CABYR: variants seen among roughly 807,000 people sequenced by gnomAD.
The protein encoded by CABYR is calcium-binding tyrosine phosphorylation-regulated protein.
A neutral mutation model predicts 36.1 loss-of-function variants in CABYR; 31 were observed. The observed-to-expected ratio is 0.86, with a 90% CI of 0.64 to 1.16. The LOEUF is 1.16. CABYR is among the 50% of genes most tolerant of loss of function. The pLI is 0.00. For synonymous variants in CABYR, 146 were observed against 160.7 expected (o/e 0.91, Z 0.69); for missense variants, 429 against 455.8 (o/e 0.94, Z 0.53).
At chr18:24,157,211 C>G (rs547505694) in intron 4 of CABYR, among the ~76,000 whole-genome samples, 1 of 152,280 alleles carries the variant, frequency 6.6e-6, no homozygotes, top group South Asian at 2.1e-4. Context: ...AGCCTGGCCT[C>G]AGAGTTTGGT....
At chr18:24,148,988 C>T (rs1450302551) in intron 3 of CABYR, among the ~76,000 whole-genome samples, 1 of 152,194 alleles carries the variant, frequency 6.6e-6, no homozygotes, top group South Asian at 2.1e-4. Flanking sequence ...TATCTGGCCC[C>T]ACCCACATCC....
chr18:24,143,507 A>C, intron 3 of CABYR, 94 bp downstream of exon 3: 1 of 542,322 alleles, frequency 1.8e-6, no homozygotes. Context: ...TGGTGCCCAC[A>C]AATTATTTTA....
chr18:24,156,659 GCTCT>G, intron 4 of CABYR: 1 of 1,614,182 alleles, frequency 6.2e-7, no homozygotes. Flanking sequence ...CAACAGCTCT[GCTCT>G]CTGACACATC....
rs1194912610 is a variant in CABYR at position 24,159,539 on chromosome 18, T to A, written c.609T>A (p.Thr203=). The A allele has an allele frequency of 6.2e-7, 1 of 1,614,146 alleles. No individual in the cohort carries two copies. Among genetic ancestry groups the A allele is most frequent in the Admixed American group, 1.7e-5 (1 of 60,020 alleles). ...ACATGTGGACCCTTTATTGTCTAAC[T>A]GATAAGAATCAACAAGGTCACCCAT... is the stretch of plus-strand genomic sequence containing the variant. ...CSNMWTLYCL[T]DKNQQGHPSP... is the part of the protein sequence containing the mutation. The change falls in exon 5 of 6, where the codon ACT becomes ACA. Residue 203 remains threonine (T), a synonymous_variant. Coordinates refer to ENST00000399496, the MANE Select transcript of CABYR (RefSeq NM_153769.3).
intron 4 of CABYR, among the ~76,000 whole-genome samples, chr18:24,158,618 C>T (rs757754621): frequency 6.6e-6 from 1 of 152,014 alleles, no homozygotes; most frequent in Non-Finnish European, 1.5e-5. Context: ...GCGCCCGGCC[C>T]GTAGTGTTAT....
At position 24,153,712 on chromosome 18, in the gene CABYR, A is replaced by T. The variant is rs566993876; in HGVS notation, c.200-1989A>T. 5.9e-5 allele frequency among the ~76,000 whole-genome samples: 9 copies of T among 152,206 alleles called. No individual in the cohort carries two copies. In the East Asian group the frequency reaches 1.7e-3, roughly 29 times the overall value. ...AAGAAAAGTTATGTTTTTGTGGCTTATCTATCTGGCTTTTTCCTGTTGTTA... is the reference window on the plus strand; with the variant it reads ...AAGAAAAGTTATGTTTTTGTGGCTTTTCTATCTGGCTTTTTCCTGTTGTTA... On this transcript the variant is annotated intron_variant, in intron 3 of 5. Coordinates refer to ENST00000399496, the MANE Select transcript of CABYR (RefSeq NM_153769.3).
At position 24,155,839 on chromosome 18, in the gene CABYR, C is replaced by G. The variant is rs762617638; in HGVS notation, c.338C>G (p.Thr113Arg). ...TDTDEDNVTRTEYSDKTTQFP... is the reference protein window; with the variant it reads ...TDTDEDNVTRREYSDKTTQFP... The stretch of plus-strand genomic sequence containing the variant: ...ACAGACGAGGACAATGTAACCAGAA[C>G]AGAATATAGTGACAAAACCACCCAG... The change falls in exon 4 of 6, where the codon ACA becomes AGA. Residue 113 changes from threonine to arginine, a missense_variant. By Grantham distance (71) the Thr-to-Arg change is moderately conservative. Transcript: ENST00000399496. The G allele has an allele frequency of 3.0e-5, 49 of 1,614,050 alleles. No homozygotes were observed. The highest frequency in any genetic ancestry group is 3.3e-4 in the Middle Eastern group (2 of 6,084).
intron 3 of CABYR, among the ~76,000 whole-genome samples, chr18:24,147,279 A>C (rs995209402): frequency 2.7e-5 from 4 of 146,942 alleles, no homozygotes; most frequent in African/African-American, 1.0e-4. Flanking sequence ...AAAAGCCTAT[A>C]GGCAAGTGAG....
At position 24,143,211 on chromosome 18, in the gene CABYR, A is replaced by T. The variant is rs750213238; in HGVS notation, c.97A>T (p.Ile33Phe). Residue 33 changes from isoleucine (I) to phenylalanine (F), a missense_variant, in exon 2 of 6, where the codon ATC becomes TTC. Transcript: ENST00000399496. The part of the protein sequence containing the change: ...RAVLKTNPSN[I>F]NQFAAAYFQE... ...TGTTCTCAAAACCAACCCATCAAAC[A>T]TCAACCAGTTTGCAGCAGCTTATTT... The T allele has an allele frequency of 2.5e-6, 4 of 1,614,004 alleles. No homozygotes were observed. Among genetic ancestry groups the T allele is most frequent in the Non-Finnish European group, 3.4e-6 (4 of 1,179,968 alleles).
intron 3 of CABYR, among the ~76,000 whole-genome samples, chr18:24,144,817 AT>A (rs1338085010): frequency 1.3e-5 from 2 of 152,256 alleles, no homozygotes; most frequent in Non-Finnish European, 2.9e-5. Flanking sequence ...GAAGGGACAG[AT>A]TTTTAAACCA....
intron 5 of CABYR, 76 bp downstream of exon 5, chr18:24,160,145 A>G: frequency 9.9e-7 from 1 of 1,010,312 alleles, no homozygotes. Context: ...CTTGACCTGG[A>G]GATTTAGATA....
chr18:24,152,475 A>C (rs764562371), intron 3 of CABYR, among the ~76,000 whole-genome samples: 38 of 152,222 alleles, frequency 2.5e-4, no homozygotes, highest in South Asian at 2.1e-4. Flanking sequence ...GCAGGGAAGA[A>C]AACAATATCA....
At chr18:24,151,149 T>G (rs1033262879) in intron 3 of CABYR, among the ~76,000 whole-genome samples, 5 of 982 alleles carry the variant, frequency 5.1e-3, no homozygotes, top group Non-Finnish European at 0.015. Context: ...TTCAGTACCC[T>G]GAATCTCCAT....
At chr18:24,149,812 T>C (rs893009871) in intron 3 of CABYR, among the ~76,000 whole-genome samples, 12 of 152,232 alleles carry the variant, frequency 7.9e-5, no homozygotes, top group Non-Finnish European at 1.2e-4. Flanking sequence ...AAGCCCCTCA[T>C]TGCCCGGGGC....
chr18:24,156,123 G>A lies in CABYR; in HGVS notation c.541+81G>A. The A allele has an allele frequency of 6.2e-7, 1 of 1,614,186 alleles. No individual in the cohort carries two copies. Among genetic ancestry groups the A allele is most frequent in the Admixed American group, 1.7e-5 (1 of 60,018 alleles). ...AACCAGTATGCCTGTTGTTATCAAGGAGGTGCCAAGCTCAGAGGCTGCTGA... is the reference window on the plus strand; with the variant it reads ...AACCAGTATGCCTGTTGTTATCAAGAAGGTGCCAAGCTCAGAGGCTGCTGA... On this transcript the variant is annotated intron_variant, in intron 4 of 5. Coordinates refer to ENST00000399496, the MANE Select transcript of CABYR (RefSeq NM_153769.3).
At chr18:24,157,046 T>A (rs930095147) in intron 4 of CABYR, 14 of 1,442,242 alleles carry the variant, frequency 9.7e-6, no homozygotes, top group East Asian at 2.3e-5. Flanking sequence ...TCAGGTGACA[T>A]CTGTATTTCA....
At chr18:24,151,979 C>A (rs1046702568) in intron 3 of CABYR, among the ~76,000 whole-genome samples, 1 of 152,112 alleles carries the variant, frequency 6.6e-6, no homozygotes, top group African/African-American at 2.4e-5. Context: ...CATGAGCCAT[C>A]GTGCCTGACC....
At chr18:24,147,339 T>G (rs2085485679) in intron 3 of CABYR, among the ~76,000 whole-genome samples, 1 of 149,204 alleles carries the variant, frequency 6.7e-6, no homozygotes, top group Admixed American at 6.7e-5. Flanking sequence ...ACACAAAAAC[T>G]TACAGATGAT....
chr18:24,159,919 TTTTCC>T lies in CABYR; in HGVS notation c.994_998del (p.Leu332CysfsTer10). Reference sequence around the variant, plus strand: ...GATGTCCCCAGGCCAAAAAGCCCTGTTTTCCTTTCTGTTGCTTTCCCAGTAGAAGA... The same window carrying T: ...GATGTCCCCAGGCCAAAAAGCCCTGTTTTCTGTTGCTTTCCCAGTAGAAGA... On this transcript the variant is annotated frameshift_variant, in exon 5 of 6. Coordinates refer to ENST00000399496, the MANE Select transcript of CABYR (RefSeq NM_153769.3). LOFTEE classifies it high-confidence loss of function. 1 of 1,614,162 alleles carries T rather than the reference TTTTCC, an allele frequency of 6.2e-7. No individual in the cohort carries two copies. The highest frequency in any genetic ancestry group is 1.3e-5 in the African/African-American group (1 of 75,030).
Sources: allele counts gnomAD v4.1 joint callset (sites outside exome capture counted in the v4.1 genomes callset), GRCh38; gene constraint gnomAD v4.1.1; transcripts MANE v1.5; gene names NCBI Gene and HGNC (gene_info 2026-07-23, HGNC 2026-07-21).